DPY19L2: variants seen among roughly 807,000 people sequenced by gnomAD.
The protein encoded by DPY19L2 is probable C-mannosyltransferase DPY19L2.
A neutral mutation model predicts 97.9 loss-of-function variants in DPY19L2; 34 were observed. The ratio of observed to expected loss-of-function variants is 0.35; its 90% CI spans 0.26 to 0.46. DPY19L2 has a LOEUF of 0.46. Ranked by LOEUF, DPY19L2 falls within the 20% of genes least tolerant of loss-of-function variation. DPY19L2 has a pLI of 1.00. For missense variants in DPY19L2, 623 were observed against 911.4 expected, an observed-to-expected ratio of 0.68 and a Z score of 4.07; for synonymous variants, 230 against 307.9, an observed-to-expected ratio of 0.75 and a Z score of 2.65.
At chr12:63,637,647 GACTA>G (rs1438992347) in intron 6 of DPY19L2, among the ~76,000 whole-genome samples, 1 of 151,954 alleles carries the variant, frequency 6.6e-6, no homozygotes, top group African/African-American at 2.4e-5. Flanking sequence ...CACCCTCCAA[GACTA>G]AACCAGGAAG....
chr12:63,631,731 TG>T (rs2137947593), intron 6 of DPY19L2, among the ~76,000 whole-genome samples: 1 of 152,288 alleles, frequency 6.6e-6, no homozygotes, highest in South Asian at 2.1e-4. Context: ...AGCATCATCC[TG>T]ATACCAAAGT....
intron 16 of DPY19L2, among the ~76,000 whole-genome samples, chr12:63,591,904 A>G (rs1449450382): frequency 1.4e-5 from 2 of 147,922 alleles, no homozygotes; most frequent in Admixed American, 1.4e-4. Flanking sequence ...AGATCATGCC[A>G]CTGCACTCCA....
chr12:63,628,816 C>T (rs1367794927), intron 6 of DPY19L2, among the ~76,000 whole-genome samples: 3 of 151,146 alleles, frequency 2.0e-5, no homozygotes, highest in Non-Finnish European at 2.9e-5. Context: ...AGGCACCCCC[C>T]AGTAGGGGCA....
At chr12:63,585,106 T>C (rs1371298997) in intron 16 of DPY19L2, among the ~76,000 whole-genome samples, 5 of 152,004 alleles carry the variant, frequency 3.3e-5, no homozygotes, top group Admixed American at 2.0e-4. Context: ...GCCCTGCAGA[T>C]AAGGGCAACT....
intron 6 of DPY19L2, among the ~76,000 whole-genome samples, chr12:63,643,600 T>C (rs1251463686): frequency 6.6e-6 from 1 of 152,188 alleles, no homozygotes; most frequent in Non-Finnish European, 1.5e-5. Context: ...TATTGTATCA[T>C]TCAACAAGAA....
intron 7 of DPY19L2, among the ~76,000 whole-genome samples, chr12:63,625,842 T>C (rs752299982): frequency 2.8e-4 from 43 of 151,698 alleles, no homozygotes; most frequent in Non-Finnish European, 5.0e-4. Flanking sequence ...CTATACAACA[T>C]TGTGTTAATA....
chr12:63,603,886 T>A (rs1488272459), intron 12 of DPY19L2, among the ~76,000 whole-genome samples: 1 of 152,066 alleles, frequency 6.6e-6, no homozygotes, highest in Non-Finnish European at 1.5e-5. Flanking sequence ...TCAAACTATA[T>A]TACAAGGCTG....
At chr12:63,637,105 C>G (rs1432764957) in intron 6 of DPY19L2, among the ~76,000 whole-genome samples, 1 of 152,148 alleles carries the variant, frequency 6.6e-6, no homozygotes, top group Non-Finnish European at 1.5e-5. Flanking sequence ...ATAGGGCAAT[C>G]AAACTAGAAC....
At chr12:63,606,822 C>T (rs1186094207) in intron 12 of DPY19L2, among the ~76,000 whole-genome samples, 1 of 152,078 alleles carries the variant, frequency 6.6e-6, no homozygotes, top group East Asian at 1.9e-4. Flanking sequence ...CAAAGTTCCC[C>T]TTTGTAAATT....
chr12:63,576,383 C>A (rs12829777), intron 19 of DPY19L2, among the ~76,000 whole-genome samples: 75,287 of 151,614 alleles, frequency 0.5, 18,876 homozygotes, highest in East Asian at 0.72. Context: ...AGACCTGGGA[C>A]ATGACAAGGA....
At chr12:63,587,546 A>G (rs1882000351) in intron 16 of DPY19L2, among the ~76,000 whole-genome samples, 1 of 145,316 alleles carries the variant, frequency 6.9e-6, no homozygotes, top group South Asian at 2.2e-4. Context: ...AACTAGTTAG[A>G]CATTTTTAAA....
chr12:63,633,136 A>T (rs1444286086), intron 6 of DPY19L2, among the ~76,000 whole-genome samples: 1 of 152,176 alleles, frequency 6.6e-6, no homozygotes, highest in Non-Finnish European at 1.5e-5. Flanking sequence ...AGGCATTACC[A>T]TTCAGGACAT....
At chr12:63,649,679 C>T (rs950348125) in intron 4 of DPY19L2, among the ~76,000 whole-genome samples, 1 of 152,108 alleles carries the variant, frequency 6.6e-6, no homozygotes, top group Non-Finnish European at 1.5e-5. Context: ...GACTGACTCA[C>T]CAATAAAAAG....
intron 9 of DPY19L2, 73 bp from the exon 10 acceptor site, chr12:63,618,301 A>C: frequency 1.6e-6 from 1 of 606,740 alleles, no homozygotes; most frequent in East Asian, 3.1e-5. Flanking sequence ...CAGGCAAAGT[A>C]AATATAAGAG....
chr12:63,617,414 T>C (rs1888031404), intron 10 of DPY19L2, 24 bp from the exon 11 acceptor site: 1 of 1,494,266 alleles, frequency 6.7e-7, no homozygotes, highest in Non-Finnish European at 9.2e-7. Flanking sequence ...AAAAAATACA[T>C]TTTATGGTTA....
rs1040349194 is a variant in DPY19L2, at chr12:63,559,418, A to T, written c.*1094T>A. On this transcript the variant is annotated 3_prime_UTR_variant, in exon 22 of 22. Transcript: ENST00000324472. ...AAATACTATAGATCTGGCATATTTC[A>T]TATTTATAAAGCAGACAAAAAGAAT... 1 of 152,506 alleles carries T rather than the reference A, an allele frequency of 6.6e-6. No homozygotes were observed. Among genetic ancestry groups the T allele is most frequent in the Admixed American group, 6.5e-5 (1 of 15,268 alleles). 9.4% of individuals were successfully genotyped at this position (152,506 alleles called of 1,614,324 possible).
intron 8 of DPY19L2, among the ~76,000 whole-genome samples, chr12:63,621,561 A>G (rs1888695743): frequency 6.6e-6 from 1 of 152,198 alleles, no homozygotes. Flanking sequence ...ATTGTAATTT[A>G]CCATTAAATA....
chr12:63,665,429 C>A (rs28623379), intron 2 of DPY19L2, among the ~76,000 whole-genome samples: 27,031 of 150,480 alleles, frequency 0.18, 2,803 homozygotes, highest in East Asian at 0.45. Flanking sequence ...GTCAAGATCA[C>A]GCCACTGCAC....
chr12:63,559,925 G>GT lies in DPY19L2; in HGVS notation c.*586dup. ...GATTCAAAACATTACAAAACAAAGT[G>GT]TTTTTAAAAACACTTCAACTTGAAA... is the stretch of plus-strand genomic sequence containing the variant. On this transcript the variant is annotated 3_prime_UTR_variant, in exon 22 of 22. Coordinates refer to ENST00000324472, the MANE Select transcript of DPY19L2 (RefSeq NM_173812.5). The GT allele has an allele frequency of 6.6e-6, 1 of 152,020 alleles. No homozygotes were observed. Among genetic ancestry groups the GT allele is most frequent in the East Asian group, 1.9e-4 (1 of 5,176 alleles). The allele number at this position is 152,020 out of a possible 1,614,324, so 9.4% of individuals were successfully genotyped here.
Sources: allele counts gnomAD v4.1 joint callset (sites outside exome capture counted in the v4.1 genomes callset), GRCh38; gene constraint gnomAD v4.1.1; transcripts MANE v1.5; gene names NCBI Gene and HGNC (gene_info 2026-07-23, HGNC 2026-07-21).